Variants in NEO1 observed in about 807,000 individuals in gnomAD.
NEO1 encodes neogenin 1.
In NEO1, 63 loss-of-function variants were observed where a neutral mutation model predicts 159.7. The ratio of observed to expected loss-of-function variants is 0.39; its 90% CI spans 0.32 to 0.49. NEO1 has a LOEUF of 0.49. Ranked by LOEUF, NEO1 falls within the 20% of genes least tolerant of loss-of-function variation. NEO1 has a pLI of 0.85. For synonymous variants in NEO1, 633 were observed against 662.0 expected (o/e 0.96, Z 0.67); for missense variants, 1,615 against 1,831.0 (o/e 0.88, Z 2.15).
chr15:73,069,883 G>A (rs1424812683), intron 1 of NEO1, among the ~76,000 whole-genome samples: 1 of 152,192 alleles, frequency 6.6e-6, no homozygotes, highest in African/African-American at 2.4e-5. Flanking sequence ...AGAGTTAGCA[G>A]TCTGCTTCCA....
chr15:73,292,450 C>A (rs1044021404), intron 25 of NEO1, among the ~76,000 whole-genome samples: 1 of 152,168 alleles, frequency 6.6e-6, no homozygotes, highest in African/African-American at 2.4e-5. Flanking sequence ...TGATCTTAAA[C>A]GTGCCATTTC....
chr15:73,297,514 G>C (rs148378544), intron 26 of NEO1, among the ~76,000 whole-genome samples: 91 of 152,282 alleles, frequency 6.0e-4, no homozygotes, highest in Middle Eastern at 6.8e-3. Flanking sequence ...TGTAGATGAA[G>C]AAACTGAGAC....
intron 1 of NEO1, among the ~76,000 whole-genome samples, chr15:73,074,583 A>G (rs965361633): frequency 7.9e-5 from 12 of 152,226 alleles, no homozygotes; most frequent in African/African-American, 2.9e-4. Flanking sequence ...ATGTGTGAGG[A>G]TACCCTCATG....
At chr15:73,118,470 A>G (rs2169951) in intron 2 of NEO1, among the ~76,000 whole-genome samples, 44,243 of 109,692 alleles carry the variant, frequency 0.4, 8,179 homozygotes, top group Middle Eastern at 0.57. Context: ...CATCACCCTC[A>G]CCACAGTTTT....
chr15:73,216,102 T>G (rs2037866439), intron 7 of NEO1, among the ~76,000 whole-genome samples: 1 of 117,616 alleles, frequency 8.5e-6, no homozygotes, highest in African/African-American at 3.2e-5. Context: ...CCCACAACAG[T>G]CCCCAGAGTG....
chr15:73,103,517 T>C (rs1391143327), intron 1 of NEO1, among the ~76,000 whole-genome samples: 1 of 152,208 alleles, frequency 6.6e-6, no homozygotes, highest in Non-Finnish European at 1.5e-5. Context: ...TCTAGGCCGG[T>C]TAGATTCTCT....
intron 22 of NEO1, among the ~76,000 whole-genome samples, chr15:73,282,130 A>G (rs770101746): frequency 3.9e-5 from 6 of 152,110 alleles, no homozygotes; most frequent in Admixed American, 3.3e-4. Flanking sequence ...TTTCCCTTGT[A>G]TGATGGAATC....
intron 5 of NEO1, among the ~76,000 whole-genome samples, chr15:73,169,189 T>G (rs2034788675): frequency 6.6e-6 from 1 of 152,124 alleles, no homozygotes; most frequent in African/African-American, 2.4e-5. Context: ...TGGAATTAAG[T>G]GATGTTTCTA....
intron 4 of NEO1, among the ~76,000 whole-genome samples, chr15:73,131,445 T>A (rs1212357865): frequency 6.6e-6 from 1 of 152,252 alleles, no homozygotes; most frequent in Non-Finnish European, 1.5e-5. Context: ...TTTTTTGCTT[T>A]TCTCTTCATT....
At chr15:73,195,472 C>A (rs1020805470) in intron 7 of NEO1, among the ~76,000 whole-genome samples, 2 of 152,074 alleles carry the variant, frequency 1.3e-5, no homozygotes, top group African/African-American at 4.8e-5. Flanking sequence ...CCAATTGATG[C>A]ATGCTTAAGA....
intron 7 of NEO1, among the ~76,000 whole-genome samples, chr15:73,205,697 G>C (rs554688888): frequency 9.8e-5 from 15 of 152,308 alleles, no homozygotes; most frequent in African/African-American, 3.4e-4. Flanking sequence ...CTTGGTTGCT[G>C]TATGTCTCTG....
At chr15:73,166,746 A>C (rs1027504370) in intron 5 of NEO1, among the ~76,000 whole-genome samples, 1 of 152,116 alleles carries the variant, frequency 6.6e-6, no homozygotes, top group Non-Finnish European at 1.5e-5. Context: ...CATGGGTGTG[A>C]CTTCTCCCAA....
chr15:73,164,427 G>A (rs1046799031), intron 5 of NEO1, among the ~76,000 whole-genome samples: 4 of 151,674 alleles, frequency 2.6e-5, no homozygotes, highest in African/African-American at 9.7e-5. Context: ...GTTGGACAGG[G>A]TTGTCTTGAA....
At chr15:73,278,298 T>C (rs747241792) in intron 22 of NEO1, 99 bp downstream of exon 22, 7 of 999,544 alleles carry the variant, frequency 7.0e-6, no homozygotes, top group Middle Eastern at 2.1e-4. Context: ...TGGTGGGTTG[T>C]AGCATATTAG....
chr15:73,209,142 G>T (rs1303927779), intron 7 of NEO1, among the ~76,000 whole-genome samples: 2 of 152,132 alleles, frequency 1.3e-5, no homozygotes, highest in African/African-American at 2.4e-5. Context: ...GTTATGAATT[G>T]TATTAGCTTG....
chr15:73,084,330 A>G (rs2069233193), intron 1 of NEO1, among the ~76,000 whole-genome samples: 1 of 152,216 alleles, frequency 6.6e-6, no homozygotes, highest in Admixed American at 6.5e-5. Context: ...ACCTCTGGTA[A>G]CCACCATTCT....
Position 73,052,513 on chromosome 15 carries a change from G to T in NEO1, c.-163G>T. On this transcript the variant is annotated 5_prime_UTR_variant, in exon 1 of 29. Transcript: ENST00000261908. ...GAGGCGCCCTGGAGTCTCCCCTCCA[G>T]CGAGAGGGGCTGCGCGGGCCGGGCC... 4.9e-6 allele frequency: 1 copy of T among 205,804 alleles called. No homozygotes were observed. Among genetic ancestry groups the T allele is most frequent in the Non-Finnish European group, 8.6e-6 (1 of 115,734 alleles). 12.7% of individuals were successfully genotyped at this position (205,804 alleles called of 1,614,324 possible).
chr15:73,160,186 CA>C (rs1333462227), intron 5 of NEO1, among the ~76,000 whole-genome samples: 1 of 152,054 alleles, frequency 6.6e-6, no homozygotes, highest in Non-Finnish European at 1.5e-5. Flanking sequence ...CTTGAATATA[CA>C]AAAACCCCAA....
chr15:73,283,262 C>T, intron 23 of NEO1, 151 bp downstream of exon 23: 2 of 947,054 alleles, frequency 2.1e-6, no homozygotes, highest in Admixed American at 2.6e-5. Context: ...GAAGTGGTTC[C>T]TCTTATCAGT....
Sources: allele counts gnomAD v4.1 joint callset (sites outside exome capture counted in the v4.1 genomes callset), GRCh38; gene constraint gnomAD v4.1.1; transcripts MANE v1.5; gene names NCBI Gene and HGNC (gene_info 2026-07-23, HGNC 2026-07-21).